Variants in NELL1 observed in about 807,000 individuals in gnomAD.
NELL1 encodes neural EGFL like 1, also known as protein kinase C-binding protein NELL1.
In NELL1, 76 loss-of-function variants were observed where a neutral mutation model predicts 107.4. The observed-to-expected ratio is 0.71, with a 90% CI of 0.59 to 0.86. NELL1 has a LOEUF of 0.86. Among genes scored for constraint, NELL1 ranks in the 40% least tolerant of loss-of-function variants. The pLI, the probability that NELL1 is intolerant of heterozygous loss-of-function variation, is 0.00. For missense variants in NELL1, 1,024 were observed against 1,005.5 expected (o/e 1.02, Z -0.25); for synonymous variants, 353 against 341.2 (o/e 1.03, Z -0.38).
chr11:21,220,834 T>C (rs1422958509), intron 13 of NELL1, among the ~76,000 whole-genome samples: 1 of 152,186 alleles, frequency 6.6e-6, no homozygotes, highest in Non-Finnish European at 1.5e-5. Flanking sequence ...TTTGACTTCC[T>C]TTTTTCCTAT....
rs202121295 is a variant in NELL1, at chr11:21,191,409, A to C, written c.1427-37923A>C. Among the ~76,000 whole-genome samples, 66 of 152,020 alleles carry C rather than the reference A, an allele frequency of 4.3e-4. No individual in the cohort carries two copies. In the East Asian group the frequency reaches 0.01, roughly 24 times the overall value. Reference sequence around the variant, plus strand: ...CTAGAAGCTGGAGAAGTCAAAAAACAAAACAAAAGAGATATTCCCTAGAAG... The same window carrying C: ...CTAGAAGCTGGAGAAGTCAAAAAACCAAACAAAAGAGATATTCCCTAGAAG... On this transcript the variant is annotated intron_variant, in intron 13 of 19. Transcript: ENST00000357134.
chr11:20,791,619 G>T (rs977323021), intron 3 of NELL1, among the ~76,000 whole-genome samples: 1 of 152,074 alleles, frequency 6.6e-6, no homozygotes, highest in African/African-American at 2.4e-5. Context: ...AATAGAAATG[G>T]TGAGCAGATA....
At chr11:21,566,211 A>C (rs1856969516) in intron 17 of NELL1, among the ~76,000 whole-genome samples, 1 of 151,866 alleles carries the variant, frequency 6.6e-6, no homozygotes, top group Non-Finnish European at 1.5e-5. Flanking sequence ...TTCCAACCCA[A>C]AGTTTATATT....
chr11:20,769,954 G>T (rs1856608882), intron 2 of NELL1, among the ~76,000 whole-genome samples: 2 of 152,166 alleles, frequency 1.3e-5, no homozygotes, highest in South Asian at 4.1e-4. Flanking sequence ...CTGCGTGGGA[G>T]CCTACCAGCA....
Position 20,758,244 on chromosome 11 carries a change from C to G in NELL1, c.185-25436C>G, listed in dbSNP as rs183098918. ...TCCCCTTATACTGTCACTAATCTCCCTCTTCTCCAGGTCATACTCTAAGCT... is the reference window on the plus strand; with the variant it reads ...TCCCCTTATACTGTCACTAATCTCCGTCTTCTCCAGGTCATACTCTAAGCT... On this transcript the variant is annotated intron_variant, in intron 2 of 19. Coordinates refer to ENST00000357134, the MANE Select transcript of NELL1 (RefSeq NM_006157.5). Among the ~76,000 whole-genome samples, 78 of 152,258 alleles carry G rather than the reference C, an allele frequency of 5.1e-4. No homozygotes were observed. The East Asian group carries it at 9.6e-3, about 19-fold the overall frequency.
intron 12 of NELL1, among the ~76,000 whole-genome samples, chr11:20,967,212 G>C (rs1346158463): frequency 6.6e-6 from 1 of 152,120 alleles, no homozygotes; most frequent in Non-Finnish European, 1.5e-5. Context: ...ACTAGACACA[G>C]AGACTCGTGT....
At chr11:20,917,971 A>G (rs116121459) in intron 5 of NELL1, among the ~76,000 whole-genome samples, 3,118 of 152,044 alleles carry the variant, frequency 0.021, 121 homozygotes, top group African/African-American at 0.071. Context: ...AGTGGTAACT[A>G]ATTGGAGCTT....
chr11:21,448,023 T>G (rs937296220), intron 15 of NELL1, among the ~76,000 whole-genome samples: 2 of 152,172 alleles, frequency 1.3e-5, no homozygotes, highest in Admixed American at 6.5e-5. Context: ...TTTTCTCTCC[T>G]TCTCCCAAAC....
chr11:21,066,495 C>T (rs947965252), intron 12 of NELL1, among the ~76,000 whole-genome samples: 4 of 152,160 alleles, frequency 2.6e-5, no homozygotes, highest in African/African-American at 9.7e-5. Context: ...CACAGCTTTT[C>T]CTTTCTCTGC....
chr11:21,528,637 T>C (rs1332493784), intron 15 of NELL1, among the ~76,000 whole-genome samples: 3 of 147,898 alleles, frequency 2.0e-5, no homozygotes, highest in Non-Finnish European at 4.5e-5. Context: ...TTTTTCTTCA[T>C]AAATTACTCA....
chr11:20,952,979 T>C lies in NELL1; in HGVS notation c.1171+5544T>C, dbSNP rs184981056. 2.0e-3 allele frequency among the ~76,000 whole-genome samples: 308 copies of C among 152,292 alleles called. 3 individuals are homozygous for C. Among genetic ancestry groups the C allele is most frequent in the Non-Finnish European group, 3.6e-3 (246 of 68,026 alleles). On this transcript the variant is annotated intron_variant, in intron 11 of 19. Transcript: ENST00000357134. ...GTCCACAAAAGCTTAAGGATTATTC[T>C]CACTTTCAAGAGCCCAGGCTTCTCC...
At chr11:20,683,580 G>A (rs781651031) in intron 2 of NELL1, among the ~76,000 whole-genome samples, 1 of 151,866 alleles carries the variant, frequency 6.6e-6, no homozygotes, top group African/African-American at 2.4e-5. Context: ...ATTTCCACCC[G>A]ATATTATTTT....
intron 15 of NELL1, among the ~76,000 whole-genome samples, chr11:21,439,910 A>C (rs572701588): frequency 1.3e-3 from 195 of 152,276 alleles, no homozygotes; most frequent in African/African-American, 4.6e-3. Flanking sequence ...TCTACCAACT[A>C]ATAAAATATT....
Position 20,669,828 on chromosome 11 carries a change from C to T in NELL1, c.55+50C>T, listed in dbSNP as rs746943050. The T allele has an allele frequency of 5.3e-6, 8 of 1,514,136 alleles. No individual in the cohort carries two copies. The highest frequency in any genetic ancestry group is 7.3e-6 in the Non-Finnish European group (8 of 1,089,812). 93.8% of individuals were successfully genotyped at this position (1,514,136 alleles called of 1,614,324 possible). ...GGGATCCGGGAAATGGGGGTGCCCA[C>T]AGACCACGGCGGCGTGGGGAGACCT... On this transcript the variant is annotated intron_variant, in intron 1 of 19. Coordinates refer to ENST00000357134, the MANE Select transcript of NELL1 (RefSeq NM_006157.5). The surrounding 1 kb of genome is among the most constrained non-coding windows in gnomAD (Gnocchi z 4.4).
At chr11:21,464,672 T>C (rs1853984137) in intron 15 of NELL1, among the ~76,000 whole-genome samples, 1 of 152,114 alleles carries the variant, frequency 6.6e-6, no homozygotes, top group Non-Finnish European at 1.5e-5. Context: ...CTGGCTGCAT[T>C]GAGACCCTGC....
chr11:21,530,260 T>C (rs1263068437), intron 15 of NELL1, among the ~76,000 whole-genome samples: 1 of 152,136 alleles, frequency 6.6e-6, no homozygotes, highest in Non-Finnish European at 1.5e-5. Context: ...TAGTATGAAA[T>C]ACGAAAGTAC....
intron 5 of NELL1, among the ~76,000 whole-genome samples, chr11:20,914,486 A>AT: frequency 6.6e-6 from 1 of 152,264 alleles, no homozygotes; most frequent in Non-Finnish European, 1.5e-5. Context: ...AGCTTTTATC[A>AT]TGCAGATGAA....
At chr11:21,322,551 G>T (rs190216564) in intron 14 of NELL1, among the ~76,000 whole-genome samples, 3 of 152,040 alleles carry the variant, frequency 2.0e-5, no homozygotes, top group Admixed American at 6.5e-5. Flanking sequence ...ATCAGAAAAT[G>T]GTATAAAATG....
intron 14 of NELL1, among the ~76,000 whole-genome samples, chr11:21,274,794 TG>T (rs1848818507): frequency 6.6e-6 from 1 of 152,308 alleles, no homozygotes; most frequent in East Asian, 1.9e-4. Flanking sequence ...TGTTCCTGAA[TG>T]ACTACTGGGT....
Sources: allele counts gnomAD v4.1 joint callset (sites outside exome capture counted in the v4.1 genomes callset), GRCh38; gene constraint gnomAD v4.1.1; non-coding constraint Gnocchi (gnomAD v3.1); transcripts MANE v1.5; gene names NCBI Gene and HGNC (gene_info 2026-07-23, HGNC 2026-07-21).